The following FER1L6 variants were observed in gnomAD, a reference collection of about 807,000 sequenced individuals.
The protein encoded by FER1L6 is fer-1-like protein 6.
Under a neutral mutation model 219.2 loss-of-function variants are expected in FER1L6, and 177 were observed. That is an observed-to-expected ratio of 0.81 (90% CI 0.71 to 0.91). The LOEUF is 0.91. Ranked by LOEUF, FER1L6 falls within the 40% of genes least tolerant of loss-of-function variation. The pLI is 0.00. For missense variants in FER1L6, 2,153 were observed against 2,259.9 expected (o/e 0.95, Z 0.96); for synonymous variants, 768 against 824.3 (o/e 0.93, Z 1.17).
At chr8:124,103,591 G>A (rs1822636776) in intron 39 of FER1L6, among the ~76,000 whole-genome samples, 1 of 152,104 alleles carries the variant, frequency 6.6e-6, no homozygotes, top group African/African-American at 2.4e-5. Context: ...CCTGAGTAAT[G>A]TACAATTTCA....
At chr8:123,980,366 C>T in intron 10 of FER1L6, 99 bp from the exon 11 acceptor site, 3 of 974,574 alleles carry the variant, frequency 3.1e-6, no homozygotes, top group Non-Finnish European at 4.6e-6. Flanking sequence ...TCAATATTTT[C>T]TTTCGTCTTT....
intron 17 of FER1L6, among the ~76,000 whole-genome samples, chr8:124,022,218 C>T (rs1024285460): frequency 7.9e-5 from 12 of 152,182 alleles, no homozygotes; most frequent in African/African-American, 2.7e-4. Context: ...GTTCTTGTTG[C>T]AAATCAGTCA....
At chr8:123,992,517 G>A (rs1226210504) in intron 12 of FER1L6, among the ~76,000 whole-genome samples, 1 of 152,006 alleles carries the variant, frequency 6.6e-6, no homozygotes, top group Non-Finnish European at 1.5e-5. Flanking sequence ...AGTCTTGAAT[G>A]ATCTTTTGTA....
At chr8:124,115,628 A>G (rs28616090) in intron 39 of FER1L6, among the ~76,000 whole-genome samples, 8,327 of 152,168 alleles carry the variant, frequency 0.055, 744 homozygotes, top group African/African-American at 0.19. Context: ...GCATGTTTCT[A>G]TTGATGAAAC....
rs925860939 is a variant in FER1L6 at position 123,923,214 on chromosome 8, T to G, written c.-7-32778T>G. Among the ~76,000 whole-genome samples, 3 of 152,344 alleles carry G rather than the reference T, an allele frequency of 2.0e-5. 1 individual carries two copies. ...TCTGAATCAGACAGCAAGATGCTGATGGATATTCACAGCTGTGATCCTGGA... is the reference window on the plus strand; with the variant it reads ...TCTGAATCAGACAGCAAGATGCTGAGGGATATTCACAGCTGTGATCCTGGA... On this transcript the variant is annotated intron_variant, in intron 1 of 40. Transcript: ENST00000522917.
chr8:124,001,342 A>G (rs1350147065), intron 12 of FER1L6, among the ~76,000 whole-genome samples: 4 of 152,110 alleles, frequency 2.6e-5, no homozygotes, highest in Non-Finnish European at 4.4e-5. Flanking sequence ...TACAAGTTTC[A>G]TCCCTTTAGC....
chr8:123,940,938 A>G (rs1814216251), intron 1 of FER1L6, among the ~76,000 whole-genome samples: 1 of 152,210 alleles, frequency 6.6e-6, no homozygotes, highest in Non-Finnish European at 1.5e-5. Context: ...TAATTTCTCA[A>G]AAGGTTGACT....
intron 15 of FER1L6, among the ~76,000 whole-genome samples, chr8:124,014,636 G>A (rs1259122568): frequency 6.6e-6 from 1 of 152,142 alleles, no homozygotes; most frequent in Non-Finnish European, 1.5e-5. Flanking sequence ...AATTTTCAAA[G>A]CACTCAGTAT....
chr8:124,012,504 C>T (rs1033608929), intron 14 of FER1L6, among the ~76,000 whole-genome samples: 2 of 152,206 alleles, frequency 1.3e-5, no homozygotes, highest in Admixed American at 1.3e-4. Context: ...GGCTAACCAC[C>T]ATGAGAGACA....
chr8:123,997,635 C>T (rs1460644367), intron 12 of FER1L6, among the ~76,000 whole-genome samples: 1 of 152,110 alleles, frequency 6.6e-6, no homozygotes, highest in African/African-American at 2.4e-5. Flanking sequence ...CTCTTTGAGG[C>T]CAATAATTCT....
chr8:123,945,896 T>C lies in FER1L6; in HGVS notation c.-7-10096T>C, dbSNP rs578108115. Among the ~76,000 whole-genome samples, 5 of 152,360 alleles carry C rather than the reference T, an allele frequency of 3.3e-5. No individual in the cohort carries two copies. In the South Asian group the frequency reaches 1.0e-3, roughly 32 times the overall value. On this transcript the variant is annotated intron_variant, in intron 1 of 40. Transcript: ENST00000522917. The stretch of plus-strand genomic sequence containing the variant: ...GATATGAACTTCCTTTCATATGTCT[T>C]TAGTATATACAGAAAAATAATTAGG...
intron 1 of FER1L6, among the ~76,000 whole-genome samples, chr8:123,858,195 G>A (rs1190737589): frequency 1.3e-5 from 2 of 152,218 alleles, no homozygotes; most frequent in African/African-American, 2.4e-5. Context: ...AGGCTGATAA[G>A]GATGGTGAGG....
intron 39 of FER1L6, among the ~76,000 whole-genome samples, chr8:124,116,138 G>C (rs61526389): frequency 0.015 from 2,221 of 152,288 alleles, 67 homozygotes; most frequent in African/African-American, 0.05. Flanking sequence ...TGGCATCAAA[G>C]GACCTTGGTG....
intron 12 of FER1L6, among the ~76,000 whole-genome samples, chr8:123,997,085 C>G (rs909375213): frequency 1.3e-5 from 2 of 152,098 alleles, no homozygotes; most frequent in African/African-American, 4.8e-5. Flanking sequence ...TCTTTGTGTA[C>G]TTACTATTAC....
chr8:123,967,191 T>TA (rs775868662), intron 5 of FER1L6, among the ~76,000 whole-genome samples: 7 of 152,134 alleles, frequency 4.6e-5, no homozygotes, highest in Non-Finnish European at 1.0e-4. Context: ...CCCAATGCCC[T>TA]AGTCCTCTCC....
chr8:124,063,345 A>G (rs1333408811), intron 25 of FER1L6, among the ~76,000 whole-genome samples: 1 of 152,122 alleles, frequency 6.6e-6, no homozygotes, highest in African/African-American at 2.4e-5. Context: ...TTATATTTTT[A>G]GTCTTGTTTA....
At chr8:123,854,448 T>G (rs1014387316) in intron 1 of FER1L6, among the ~76,000 whole-genome samples, 2 of 152,294 alleles carry the variant, frequency 1.3e-5, no homozygotes, top group African/African-American at 4.8e-5. Flanking sequence ...GGATCTCTGC[T>G]GTGTAGCATG....
intron 1 of FER1L6, among the ~76,000 whole-genome samples, chr8:123,948,550 C>A (rs1407821185): frequency 6.6e-6 from 1 of 152,026 alleles, no homozygotes; most frequent in Non-Finnish European, 1.5e-5. Context: ...ATTTTTTAGA[C>A]TTATTCCTGA....
chr8:123,989,439 G>A (rs181318463), intron 12 of FER1L6, among the ~76,000 whole-genome samples: 5 of 151,956 alleles, frequency 3.3e-5, no homozygotes, highest in Admixed American at 1.3e-4. Flanking sequence ...AATAGTTTTC[G>A]GTAACGTGGA....
Sources: gnomAD v4.1 joint callset for allele counts (sites outside exome capture counted in the v4.1 genomes callset) on GRCh38, gnomAD v4.1.1 for gene constraint, MANE v1.5 for transcripts, NCBI Gene and HGNC (gene_info 2026-07-23, HGNC 2026-07-21) for gene names.